Variants in LRRC51 observed in about 807,000 individuals in gnomAD.
LRRC51 encodes leucine-rich repeat-containing protein 51.
LRRC51 carries 8 observed loss-of-function variants against 17.8 expected under a neutral mutation model. The observed-to-expected ratio is 0.45, with a 90% CI of 0.26 to 0.81. The LOEUF (loss-of-function observed/expected upper bound fraction) is 0.81. Among genes scored for constraint, LRRC51 ranks in the 30% least tolerant of loss-of-function variants. The pLI is 0.17. For synonymous variants in LRRC51, 92 were observed against 96.0 expected (o/e 0.96, Z 0.24); for missense variants, 233 against 239.3 (o/e 0.97, Z 0.17).
intron 1 of LRRC51, chr11:72,086,477 C>CATCA: frequency 1.4e-6 from 1 of 701,842 alleles, no homozygotes; most frequent in Non-Finnish European, 2.6e-6. Flanking sequence ...AACAGCTTAG[C>CATCA]ATCAACTCTT....
At chr11:72,091,210 C>T (rs1470465017) in intron 3 of LRRC51, among the ~76,000 whole-genome samples, 2 of 152,172 alleles carry the variant, frequency 1.3e-5, no homozygotes, top group African/African-American at 2.4e-5. Flanking sequence ...GGTGGCATTC[C>T]CCAAGCTGCT....
chr11:72,082,775 C>T (rs1944317225), intron 1 of LRRC51, among the ~76,000 whole-genome samples: 1 of 152,124 alleles, frequency 6.6e-6, no homozygotes, highest in East Asian at 1.9e-4. Context: ...ATCCTTCCTG[C>T]CTTCCCTCCC....
rs1469520184 is a variant in LRRC51 at position 72,095,482 on chromosome 11, A to G, written c.541A>G (p.Lys181Glu). 1.2e-6 allele frequency: 2 copies of G among 1,614,034 alleles called. No homozygotes were observed. The highest frequency in any genetic ancestry group is 2.2e-5 in the South Asian group (2 of 91,064). The change falls in exon 6 of 6, where the codon AAG becomes GAG. Residue 181 changes from lysine (K) to glutamate (E), a missense_variant. By Grantham distance (56) the Lys-to-Glu change is moderately conservative. Coordinates refer to ENST00000289488, the MANE Select transcript of LRRC51 (RefSeq NM_145309.6). ...TGAAGTCTGGAAACGCATGAACATC[A>G]AGCCCAAGAAGGCCTGGACCAAGCA... is the stretch of plus-strand genomic sequence containing the variant. Reference protein sequence around the residue: ...TAEVWKRMNIKPKKAWTKQNT... With the variant: ...TAEVWKRMNIEPKKAWTKQNT...
At chr11:72,082,096 A>C (rs540559213) in intron 1 of LRRC51, among the ~76,000 whole-genome samples, 1 of 152,342 alleles carries the variant, frequency 6.6e-6, no homozygotes, top group Admixed American at 6.5e-5. Flanking sequence ...CCCAGGGAAA[A>C]GGAACCTGTG....
At chr11:72,082,579 C>T (rs950804141) in intron 1 of LRRC51, among the ~76,000 whole-genome samples, 1 of 152,132 alleles carries the variant, frequency 6.6e-6, no homozygotes, top group Non-Finnish European at 1.5e-5. Flanking sequence ...TCTGTGTATC[C>T]CAACCTTTTC....
intron 3 of LRRC51, among the ~76,000 whole-genome samples, chr11:72,090,661 C>T (rs1190259666): frequency 6.6e-6 from 1 of 152,168 alleles, no homozygotes; most frequent in Non-Finnish European, 1.5e-5. Flanking sequence ...ACCTGGCACA[C>T]TATTTGGTGA....
At chr11:72,086,314 C>T in intron 1 of LRRC51, 2 of 674,292 alleles carry the variant, frequency 3.0e-6, no homozygotes, top group Non-Finnish European at 5.4e-6. Flanking sequence ...GTGCTCATGA[C>T]AGGGTTCTAT....
intron 3 of LRRC51, chr11:72,089,434 A>T (rs1400661842): frequency 7.2e-7 from 1 of 1,383,886 alleles, no homozygotes; most frequent in Non-Finnish European, 9.5e-7. Flanking sequence ...GAAAGGAAAC[A>T]GGGGGCTATC....
At position 72,091,201 on chromosome 11, in the gene LRRC51, G is replaced by A. The variant is rs528808084; in HGVS notation, c.82+2036G>A. Among the ~76,000 whole-genome samples the A allele has an allele frequency of 3.9e-5, 6 of 152,294 alleles. No homozygotes were observed. In the South Asian group the frequency reaches 1.2e-3, roughly 32 times the overall value. On this transcript the variant is annotated intron_variant, in intron 3 of 5. Transcript: ENST00000289488. ...GAGCTTGGCCTCCACCCCATGCTTG[G>A]TGGCATTCCCCAAGCTGCTACCTTA...
In LRRC51 at chr11:72,091,102, A is replaced by G. The variant is rs139819945; in HGVS notation, c.82+1937A>G. Among the ~76,000 whole-genome samples, 570 of 151,998 alleles carry G rather than the reference A, an allele frequency of 3.8e-3. 4 individuals are homozygous for G. Among genetic ancestry groups the G allele is most frequent in the African/African-American group, 0.013 (551 of 41,454 alleles). ...CAACCTGTGGCAGCCTGGATATACC[A>G]CTCCATCCTTGGTAAGAGCAGCTCC... On this transcript the variant is annotated intron_variant, in intron 3 of 5. Transcript: ENST00000289488.
At chr11:72,081,712 C>A (rs957245894) in intron 1 of LRRC51, among the ~76,000 whole-genome samples, 9 of 152,122 alleles carry the variant, frequency 5.9e-5, no homozygotes, top group African/African-American at 2.2e-4. Flanking sequence ...AGGAGTAAAA[C>A]CCCTTCTCAA....
In LRRC51 at chr11:72,095,008, C is replaced by G; in HGVS notation, c.349C>G (p.Leu117Val). ...TCTTCACGGCAACAGCATCCAGCGC[C>G]TGGGGGAGGTGAATAAGCTGGCTGT... is the stretch of plus-strand genomic sequence containing the variant. ...LYLHGNSIQR[L>V]GEVNKLAVLP... Residue 117 changes from leucine to valine, a missense_variant, in exon 5 of 6, where the codon CTG becomes GTG. By Grantham distance (32) the Leu-to-Val change is conservative. Transcript: ENST00000289488. 6.2e-7 allele frequency: 1 copy of G among 1,614,052 alleles called. No homozygotes were observed. The highest frequency in any genetic ancestry group is 1.7e-5 in the Admixed American group (1 of 60,014).
At chr11:72,082,633 A>G (rs571953102) in intron 1 of LRRC51, among the ~76,000 whole-genome samples, 11 of 152,144 alleles carry the variant, frequency 7.2e-5, no homozygotes, top group African/African-American at 2.2e-4. Context: ...TTTATCCACA[A>G]TATACCCAAG....
At chr11:72,085,285 T>G (rs1944470213) in intron 1 of LRRC51, 1 of 152,252 alleles carries the variant, frequency 6.6e-6, no homozygotes, top group African/African-American at 2.4e-5. Flanking sequence ...AGTCAAGCTC[T>G]CTATGTGACA....
intron 1 of LRRC51, among the ~76,000 whole-genome samples, chr11:72,081,107 T>C (rs983991644): frequency 6.6e-6 from 1 of 152,068 alleles, no homozygotes; most frequent in African/African-American, 2.4e-5. Context: ...TATATATCCA[T>C]ACAGATTTGG....
chr11:72,095,042 G>A lies in LRRC51; in HGVS notation c.383G>A (p.Arg128Gln), dbSNP rs146968362. 9.9e-6 allele frequency: 16 copies of A among 1,613,860 alleles called. No individual in the cohort carries two copies. The highest frequency in any genetic ancestry group is 1.6e-4 in the Middle Eastern group (1 of 6,062). ...GEVNKLAVLPRLRSLTLHGNP... is the reference protein window; with the variant it reads ...GEVNKLAVLPQLRSLTLHGNP... ...GTGAATAAGCTGGCTGTCCTTCCTC[G>A]GCTCCGTAGCCTGACACTCCATGGG... Residue 128 changes from arginine (R) to glutamine (Q), a missense_variant, in exon 5 of 6, where the codon CGG becomes CAG. Coordinates refer to ENST00000289488, the MANE Select transcript of LRRC51 (RefSeq NM_145309.6).
intron 3 of LRRC51, among the ~76,000 whole-genome samples, chr11:72,091,610 A>AC (rs975048167): frequency 4.7e-4 from 72 of 152,308 alleles, no homozygotes; most frequent in African/African-American, 1.7e-3. Context: ...AGCAATGGGA[A>AC]CTGGACCTCA....
At chr11:72,088,512 G>A (rs1313387279) in intron 2 of LRRC51, 132 bp downstream of exon 2, 1 of 666,696 alleles carries the variant, frequency 1.5e-6, no homozygotes, top group Non-Finnish European at 2.7e-6. Context: ...AAGCGGAGAA[G>A]GTGGCAAATC....
rs769542922 is a variant in LRRC51, at chr11:72,095,515, C to T, written c.574C>T (p.Leu192Phe). The T allele has an allele frequency of 2.5e-6, 4 of 1,613,746 alleles. No homozygotes were observed. The South Asian group carries it at 4.4e-5, about 18-fold the overall frequency. ...PKKAWTKQNT[L>F] Reference sequence around the variant, plus strand: ...GAAGGCCTGGACCAAGCAGAATACACTTTGAGGCTCCCACGACCCTAGTAG... The same window carrying T: ...GAAGGCCTGGACCAAGCAGAATACATTTTGAGGCTCCCACGACCCTAGTAG... Residue 192 changes from leucine to phenylalanine, a missense_variant, in exon 6 of 6, where the codon CTT becomes TTT. Coordinates refer to ENST00000289488, the MANE Select transcript of LRRC51 (RefSeq NM_145309.6).
Sources: allele counts gnomAD v4.1 joint callset (sites outside exome capture counted in the v4.1 genomes callset), GRCh38; gene constraint gnomAD v4.1.1; transcripts MANE v1.5; gene names NCBI Gene and HGNC (gene_info 2026-07-23, HGNC 2026-07-21).